UNC5C: variants seen among roughly 807,000 people sequenced by gnomAD.
UNC5C encodes netrin receptor UNC5C.
A neutral mutation model predicts 99.8 loss-of-function variants in UNC5C; 47 were observed. That is an observed-to-expected ratio of 0.47 (90% confidence interval 0.37 to 0.60). The LOEUF (loss-of-function observed/expected upper bound fraction) is 0.60, where lower values mean the gene tolerates loss of function less well. UNC5C is among the 20% of genes least tolerant of loss of function. The pLI, the probability that UNC5C is intolerant of heterozygous loss-of-function variation, is 0.00. For missense variants in UNC5C, 1,062 were observed against 1,165.9 expected (o/e 0.91, Z 1.30); for synonymous variants, 487 against 452.2 (o/e 1.08, Z -0.98).
chr4:95,185,251 C>G (rs1736786055), intron 12 of UNC5C, 55 bp from the exon 13 acceptor site: 2 of 1,538,902 alleles, frequency 1.3e-6, no homozygotes, highest in Non-Finnish European at 1.7e-6. Flanking sequence ...TCACTTCTGT[C>G]AGCTCTCTCA....
intron 1 of UNC5C, among the ~76,000 whole-genome samples, chr4:95,535,071 T>G (rs191739843): frequency 6.6e-6 from 1 of 152,298 alleles, no homozygotes; most frequent in Non-Finnish European, 1.5e-5. Flanking sequence ...AACTTATTTT[T>G]TTCATTAAAA....
intron 1 of UNC5C, among the ~76,000 whole-genome samples, chr4:95,354,853 A>G (rs562826227): frequency 2.0e-5 from 3 of 152,068 alleles, no homozygotes; most frequent in Admixed American, 6.6e-5. Context: ...ACCATTTTCT[A>G]TCTCTCTCCC....
intron 12 of UNC5C, among the ~76,000 whole-genome samples, chr4:95,196,434 G>A (rs1403280299): frequency 1.3e-5 from 2 of 152,030 alleles, no homozygotes; most frequent in African/African-American, 4.8e-5. Flanking sequence ...CACATGCACA[G>A]GAAAAAGCCC....
chr4:95,305,498 G>A (rs948180000), intron 2 of UNC5C, among the ~76,000 whole-genome samples: 1 of 152,116 alleles, frequency 6.6e-6, no homozygotes. Context: ...TCTAAGGTGG[G>A]TTGCTTTGAA....
At chr4:95,449,109 T>C (rs534496431) in intron 1 of UNC5C, among the ~76,000 whole-genome samples, 1 of 152,330 alleles carries the variant, frequency 6.6e-6, no homozygotes, top group East Asian at 1.9e-4. Flanking sequence ...ACTTGAAATA[T>C]TGCTACTTTG....
intron 1 of UNC5C, among the ~76,000 whole-genome samples, chr4:95,358,830 T>C (rs976545571): frequency 4.6e-5 from 7 of 152,106 alleles, no homozygotes; most frequent in African/African-American, 1.7e-4. Flanking sequence ...TTTTATAAGA[T>C]AAAAAAATCT....
chr4:95,287,097 T>A (rs1435482512), intron 3 of UNC5C, among the ~76,000 whole-genome samples: 3 of 152,216 alleles, frequency 2.0e-5, no homozygotes, highest in African/African-American at 7.2e-5. Flanking sequence ...CAGAGCCTTT[T>A]GCTTCTGACT....
intron 1 of UNC5C, among the ~76,000 whole-genome samples, chr4:95,354,488 T>TTTTTTTTTA (rs1744108065): frequency 1.4e-5 from 2 of 145,956 alleles, no homozygotes; most frequent in South Asian, 4.3e-4. Context: ...TATTTTTTTT[T>TTTTTTTTTA]TTTTTTTAAG....
At chr4:95,401,126 T>C (rs1745680685) in intron 1 of UNC5C, among the ~76,000 whole-genome samples, 1 of 152,102 alleles carries the variant, frequency 6.6e-6, no homozygotes, top group Non-Finnish European at 1.5e-5. Context: ...ATTTGAGGTA[T>C]TTTTCTTTTT....
intron 4 of UNC5C, among the ~76,000 whole-genome samples, chr4:95,266,248 C>G (rs1740443534): frequency 6.6e-6 from 1 of 152,180 alleles, no homozygotes; most frequent in South Asian, 2.1e-4. Context: ...AGTGTATGTA[C>G]AGAAGAGATG....
At chr4:95,497,576 G>A (rs1304358391) in intron 1 of UNC5C, among the ~76,000 whole-genome samples, 2 of 151,758 alleles carry the variant, frequency 1.3e-5, no homozygotes, top group Non-Finnish European at 2.9e-5. Context: ...AATCACTAAT[G>A]GTCTCTCAGT....
At chr4:95,341,106 C>T (rs1158105906) in intron 1 of UNC5C, among the ~76,000 whole-genome samples, 1 of 152,098 alleles carries the variant, frequency 6.6e-6, no homozygotes, top group Non-Finnish European at 1.5e-5. Flanking sequence ...AATTACATCT[C>T]TGCATATCTC....
At chr4:95,230,635 G>C (rs1465875403) in intron 7 of UNC5C, among the ~76,000 whole-genome samples, 5 of 151,822 alleles carry the variant, frequency 3.3e-5, no homozygotes, top group Admixed American at 2.6e-4. Context: ...TGTAAGGAAG[G>C]GGTCCAGTTT....
intron 1 of UNC5C, among the ~76,000 whole-genome samples, chr4:95,356,218 CAAA>C (rs796623348): frequency 1.2e-5 from 1 of 81,782 alleles, no homozygotes; most frequent in African/African-American, 4.7e-5. Flanking sequence ...AAAAACAAAA[CAAA>C]AAAAAAACAG....
rs1475763315 is a variant in UNC5C at position 95,215,956 on chromosome 4, A to G, written c.1733+168T>C. Reference sequence around the variant, plus strand: ...ATCTGCAAAAGCGTCTGGAGCCTCAAAGACAAAGAGAAGTAAAACCTGACC... The same window carrying G: ...ATCTGCAAAAGCGTCTGGAGCCTCAGAGACAAAGAGAAGTAAAACCTGACC... On this transcript the variant is annotated intron_variant, in intron 10 of 15. Coordinates refer to ENST00000453304, the MANE Select transcript of UNC5C (RefSeq NM_003728.4). 15 of 512,992 alleles carry G rather than the reference A, an allele frequency of 2.9e-5. No homozygotes were observed. The East Asian group carries it at 4.8e-4, about 16-fold the overall frequency. 31.8% of individuals were successfully genotyped at this position (512,992 alleles called of 1,614,324 possible).
At chr4:95,332,330 G>T (rs1267900632) in intron 2 of UNC5C, among the ~76,000 whole-genome samples, 1 of 149,166 alleles carries the variant, frequency 6.7e-6, no homozygotes, top group Non-Finnish European at 1.5e-5. Context: ...ATACTGCAAG[G>T]CTACAGTAAC....
chr4:95,522,113 T>G (rs571560153), intron 1 of UNC5C, among the ~76,000 whole-genome samples: 1 of 152,250 alleles, frequency 6.6e-6, no homozygotes, highest in Admixed American at 6.5e-5. Context: ...AGTCCCTGGC[T>G]GAACAGATGC....
chr4:95,515,064 C>T (rs1321770345), intron 1 of UNC5C, among the ~76,000 whole-genome samples: 6 of 152,098 alleles, frequency 3.9e-5, no homozygotes, highest in African/African-American at 1.4e-4. Flanking sequence ...TTGCAAAGGA[C>T]TATATTATTT....
Position 95,548,894 on chromosome 4 carries a change from C to G in UNC5C, c.-37G>C, listed in dbSNP as rs777548778. ...GTGTGCCGGGGGGAGGGGAGGGGGA[C>G]AGAGAGACGCGCAAACAGCTGAAAG... On this transcript the variant is annotated 5_prime_UTR_variant, in exon 1 of 16. Coordinates refer to ENST00000453304, the MANE Select transcript of UNC5C (RefSeq NM_003728.4). 1 of 1,608,990 alleles carries G rather than the reference C, an allele frequency of 6.2e-7. No individual in the cohort carries two copies.
Sources: allele counts gnomAD v4.1 joint callset (sites outside exome capture counted in the v4.1 genomes callset), GRCh38; gene constraint gnomAD v4.1.1; transcripts MANE v1.5; gene names NCBI Gene and HGNC (gene_info 2026-07-23, HGNC 2026-07-21).